Variants in LSAMP observed in about 807,000 individuals in gnomAD.
The protein encoded by LSAMP is limbic system-associated membrane protein.
Under a neutral mutation model 38.6 loss-of-function variants are expected in LSAMP, and 7 were observed. The observed-to-expected ratio is 0.18, with a 90% CI of 0.10 to 0.34. LSAMP has a LOEUF of 0.34. Among genes scored for constraint, LSAMP ranks in the 10% least tolerant of loss-of-function variants. The probability of loss-of-function intolerance (pLI) is 1.00; values close to 1 mark genes in which losing one functional copy is unlikely to be tolerated. For missense variants in LSAMP, 313 were observed against 420.0 expected (o/e 0.75, Z 2.23); for synonymous variants, 154 against 166.8 (o/e 0.92, Z 0.59).
At position 115,809,962 on chromosome 3, in the gene LSAMP, T is replaced by TG. The variant is rs3214679; in HGVS notation, c.*354dup. 0.5 allele frequency: 88,361 copies of TG among 176,512 alleles called. 24,330 individuals carry two copies. Among genetic ancestry groups the TG allele is most frequent in the African/African-American group, 0.76 (31,730 of 41,868 alleles). 10.9% of individuals were successfully genotyped at this position (176,512 alleles called of 1,614,324 possible). On this transcript the variant is annotated 3_prime_UTR_variant, in exon 7 of 7. Coordinates refer to ENST00000490035, the MANE Select transcript of LSAMP (RefSeq NM_002338.5). ...AAGGAAGGAAGGATAAAGTGTGTGT[T>TG]GGGGGGCTTAATATCCATCTGGTTC...
intron 3 of LSAMP, among the ~76,000 whole-genome samples, chr3:115,939,139 G>A (rs554153474): frequency 2.0e-5 from 3 of 152,194 alleles, no homozygotes; most frequent in African/African-American, 7.2e-5. Flanking sequence ...TTGTATATGA[G>A]TAGAAAAGTC....
At chr3:116,230,670 T>C (rs2107627027) in intron 1 of LSAMP, among the ~76,000 whole-genome samples, 1 of 152,294 alleles carries the variant, frequency 6.6e-6, no homozygotes, top group East Asian at 1.9e-4. Context: ...ACTAAGCCTT[T>C]TCCAGTTGTT....
In LSAMP at chr3:116,445,140, G is replaced by C; in HGVS notation, c.-109C>G. The C allele has an allele frequency of 8.7e-7, 1 of 1,155,740 alleles. No homozygotes were observed. The highest frequency in any genetic ancestry group is 1.2e-6 in the Non-Finnish European group (1 of 825,514). The allele number at this position is 1,155,740 out of a possible 1,614,324, so 71.6% of individuals were successfully genotyped here. The stretch of plus-strand genomic sequence containing the variant: ...CTTTCATCCACAGCGAGCGCAGAGC[G>C]GGCTTTGCCAGTTTATGGTCCTTTC... On this transcript the variant is annotated 5_prime_UTR_variant, in exon 1 of 7. Transcript: ENST00000490035.
intron 1 of LSAMP, among the ~76,000 whole-genome samples, chr3:116,225,648 A>G (rs2046334412): frequency 2.0e-5 from 3 of 152,326 alleles, no homozygotes; most frequent in South Asian, 4.1e-4. Context: ...GTTAAATATA[A>G]TGTCTTTAAT....
At chr3:115,881,300 G>C (rs923403707) in intron 3 of LSAMP, among the ~76,000 whole-genome samples, 2 of 152,108 alleles carry the variant, frequency 1.3e-5, no homozygotes, top group Non-Finnish European at 2.9e-5. Flanking sequence ...CTGAGCATTA[G>C]TAAATCAAAT....
chr3:115,877,618 C>A (rs1311537961), intron 3 of LSAMP, among the ~76,000 whole-genome samples: 4 of 152,114 alleles, frequency 2.6e-5, no homozygotes, highest in Non-Finnish European at 5.9e-5. Flanking sequence ...GCATCCCTTC[C>A]CTACTAGAAG....
chr3:116,412,947 G>A (rs1413249170), intron 1 of LSAMP, among the ~76,000 whole-genome samples: 1 of 151,994 alleles, frequency 6.6e-6, no homozygotes, highest in Non-Finnish European at 1.5e-5. Flanking sequence ...AATCACTGCT[G>A]TAGCCAGATG....
Position 116,159,427 on chromosome 3 carries a change from A to G in LSAMP, c.156-72871T>C, listed in dbSNP as rs1184616404. Among the ~76,000 whole-genome samples, 4 of 152,296 alleles carry G rather than the reference A, an allele frequency of 2.6e-5. No individual in the cohort carries two copies. The East Asian group carries it at 7.7e-4, about 29-fold the overall frequency. ...TTGAAAAGCAAAAACCAACCCCATT[A>G]AAAAGTGGGCAAAGGGCATGAACAG... On this transcript the variant is annotated intron_variant, in intron 1 of 6. Coordinates refer to ENST00000490035, the MANE Select transcript of LSAMP (RefSeq NM_002338.5).
Position 116,240,951 on chromosome 3 carries a change from G to A in LSAMP, c.156-154395C>T, listed in dbSNP as rs530899863. Among the ~76,000 whole-genome samples, 17 of 151,640 alleles carry A rather than the reference G, an allele frequency of 1.1e-4. No individual in the cohort carries two copies. The East Asian group carries it at 1.4e-3, about 12-fold the overall frequency. ...AGCACTTTGGGAGACCAAGGCTGGC[G>A]GATCACCTGAGGTTGGGAGTTCCAG... On this transcript the variant is annotated intron_variant, in intron 1 of 6. Coordinates refer to ENST00000490035, the MANE Select transcript of LSAMP (RefSeq NM_002338.5).
intron 1 of LSAMP, among the ~76,000 whole-genome samples, chr3:116,379,908 C>T (rs187924895): frequency 3.8e-4 from 58 of 152,118 alleles, no homozygotes; most frequent in Non-Finnish European, 7.4e-4. Context: ...TCACTCAGAT[C>T]GCTTCTGTGT....
intron 1 of LSAMP, among the ~76,000 whole-genome samples, chr3:116,177,040 C>A (rs992836658): frequency 6.6e-6 from 1 of 151,886 alleles, no homozygotes; most frequent in Non-Finnish European, 1.5e-5. Flanking sequence ...TAGATAAAAG[C>A]AAAGTTGGCA....
At chr3:116,268,377 C>T (rs944119859) in intron 1 of LSAMP, among the ~76,000 whole-genome samples, 5 of 152,060 alleles carry the variant, frequency 3.3e-5, no homozygotes, top group Admixed American at 3.3e-4. Flanking sequence ...GGCATAAATC[C>T]ATACCCTATC....
At chr3:116,314,849 C>A (rs35966018) in intron 1 of LSAMP, among the ~76,000 whole-genome samples, 12,268 of 152,086 alleles carry the variant, frequency 0.081, 744 homozygotes, top group African/African-American at 0.17. Context: ...AGAATAAAGA[C>A]CCCCACTATT....
At chr3:116,390,589 G>C (rs978037226) in intron 1 of LSAMP, among the ~76,000 whole-genome samples, 20 of 151,896 alleles carry the variant, frequency 1.3e-4, no homozygotes, top group Non-Finnish European at 2.9e-4. Context: ...CATTAGCTGG[G>C]CATGGTGGCA....
chr3:116,253,092 G>C (rs981349155), intron 1 of LSAMP, among the ~76,000 whole-genome samples: 6 of 152,102 alleles, frequency 3.9e-5, no homozygotes, highest in Non-Finnish European at 7.3e-5. Flanking sequence ...CACAGCACAT[G>C]GCCCCACCCT....
intron 1 of LSAMP, among the ~76,000 whole-genome samples, chr3:116,340,449 A>C (rs2047977542): frequency 1.3e-5 from 2 of 151,918 alleles, no homozygotes; most frequent in Non-Finnish European, 2.9e-5. Context: ...ATGCATCTAA[A>C]TTGTGTCAAA....
At chr3:116,253,889 C>A (rs909673138) in intron 1 of LSAMP, among the ~76,000 whole-genome samples, 1 of 152,106 alleles carries the variant, frequency 6.6e-6, no homozygotes, top group African/African-American at 2.4e-5. Context: ...TCCAAATAAC[C>A]ATAGCATTTT....
intron 1 of LSAMP, among the ~76,000 whole-genome samples, chr3:116,130,987 CTTTTTTTTT>C (rs148232332): frequency 8.9e-6 from 1 of 112,654 alleles, no homozygotes; most frequent in Non-Finnish European, 1.7e-5. Flanking sequence ...AGGTTCCACA[CTTTTTTTTT>C]TTTTTTTTTT....
intron 3 of LSAMP, among the ~76,000 whole-genome samples, chr3:115,883,318 A>G (rs1196279818): frequency 6.6e-6 from 1 of 152,040 alleles, no homozygotes; most frequent in Non-Finnish European, 1.5e-5. Context: ...GAAGATAAAC[A>G]GAAAGGTAAA....
Sources: allele counts gnomAD v4.1 joint callset (sites outside exome capture counted in the v4.1 genomes callset), GRCh38; gene constraint gnomAD v4.1.1; transcripts MANE v1.5; gene names NCBI Gene and HGNC (gene_info 2026-07-23, HGNC 2026-07-21).